Variants in C1orf21 observed in about 807,000 individuals in gnomAD.
C1orf21 encodes the protein uncharacterized protein C1orf21.
A neutral mutation model predicts 18.7 loss-of-function variants in C1orf21; 3 were observed. The ratio of observed to expected loss-of-function variants is 0.16; its 90% CI spans 0.07 to 0.42. The LOEUF (loss-of-function observed/expected upper bound fraction) is 0.42, where lower values mean the gene tolerates loss of function less well. C1orf21 is among the 10% of genes least tolerant of loss of function. The pLI is 0.99. For synonymous variants in C1orf21, 41 were observed against 46.4 expected, an observed-to-expected ratio of 0.88 and a Z score of 0.47; for missense variants, 104 against 143.6, an observed-to-expected ratio of 0.72 and a Z score of 1.41.
chr1:184,581,064 G>A (rs914379334), intron 3 of C1orf21, among the ~76,000 whole-genome samples: 3 of 152,104 alleles, frequency 2.0e-5, no homozygotes, highest in East Asian at 3.9e-4. Flanking sequence ...AACCCAAGTC[G>A]CTGGGTGATT....
intron 2 of C1orf21, among the ~76,000 whole-genome samples, chr1:184,486,716 T>G (rs1657737705): frequency 6.6e-6 from 1 of 152,114 alleles, no homozygotes; most frequent in African/African-American, 2.4e-5. Context: ...AAAATCCAAG[T>G]GCTACTTTTC....
intron 3 of C1orf21, among the ~76,000 whole-genome samples, chr1:184,560,519 A>G (rs1457382201): frequency 6.6e-6 from 1 of 152,222 alleles, no homozygotes; most frequent in African/African-American, 2.4e-5. Context: ...GAAAATTCAA[A>G]CTTTTCATTT....
At chr1:184,464,837 AG>A (rs1441729551) in intron 1 of C1orf21, among the ~76,000 whole-genome samples, 4 of 152,226 alleles carry the variant, frequency 2.6e-5, no homozygotes, top group Non-Finnish European at 5.9e-5. Flanking sequence ...TTGGAGCAGT[AG>A]GAAGAGGCAA....
chr1:184,624,869 A>G lies in C1orf21; in HGVS notation c.*5313A>G, dbSNP rs1406959025. ...AAAGATGACTCATGTCTCCATAGCA[A>G]CTGTTAAAGGTGCTGCCTAGACGGG... On this transcript the variant is annotated 3_prime_UTR_variant, in exon 6 of 6. Transcript: ENST00000235307. The G allele has an allele frequency of 6.6e-6, 1 of 152,180 alleles. No homozygotes were observed. The highest frequency in any genetic ancestry group is 1.5e-5 in the Non-Finnish European group (1 of 68,034). 9.4% of individuals were successfully genotyped at this position (152,180 alleles called of 1,614,324 possible).
At chr1:184,605,748 T>G (rs1659638720) in intron 5 of C1orf21, among the ~76,000 whole-genome samples, 1 of 152,194 alleles carries the variant, frequency 6.6e-6, no homozygotes, top group Admixed American at 6.5e-5. Context: ...CAATAAAATT[T>G]GAGAAATAAT....
chr1:184,455,145 C>T (rs1211299823), intron 1 of C1orf21, among the ~76,000 whole-genome samples: 1 of 152,174 alleles, frequency 6.6e-6, no homozygotes, highest in African/African-American at 2.4e-5. Context: ...TAAGCATACT[C>T]AGGCCCATGT....
At chr1:184,578,920 G>T (rs1362762890) in intron 3 of C1orf21, among the ~76,000 whole-genome samples, 1 of 146,318 alleles carries the variant, frequency 6.8e-6, no homozygotes, top group Non-Finnish European at 1.5e-5. Flanking sequence ...AGACAGCTTT[G>T]TAAGCAATGA....
chr1:184,493,570 A>T (rs1217462983), intron 2 of C1orf21, among the ~76,000 whole-genome samples: 1 of 152,252 alleles, frequency 6.6e-6, no homozygotes, highest in Non-Finnish European at 1.5e-5. Context: ...ATAGATATGC[A>T]TGCCTCACTG....
At position 184,619,981 on chromosome 1, in the gene C1orf21, C is replaced by T. The variant is rs1211867229; in HGVS notation, c.*425C>T. ...CTAAGACAAGCATCTCCTGCCCTCT[C>T]TCCTTCCTCCCCATCTCTCGCACGC... On this transcript the variant is annotated 3_prime_UTR_variant, in exon 6 of 6. Transcript: ENST00000235307. The T allele has an allele frequency of 6.0e-6, 1 of 167,020 alleles. No individual in the cohort carries two copies. The highest frequency in any genetic ancestry group is 2.4e-5 in the African/African-American group (1 of 41,578). 10.3% of individuals were successfully genotyped at this position (167,020 alleles called of 1,614,324 possible). A position where few individuals can be genotyped will look rare whatever the true frequency, so the allele number is the denominator to read the frequency against.
chr1:184,401,749 G>T, intron 1 of C1orf21, among the ~76,000 whole-genome samples: 1 of 149,992 alleles, frequency 6.7e-6, no homozygotes, highest in African/African-American at 2.5e-5. Context: ...TACAATACAT[G>T]TGTAAATATT....
intron 1 of C1orf21, among the ~76,000 whole-genome samples, chr1:184,453,513 T>C (rs915469601): frequency 9.2e-5 from 14 of 152,220 alleles, no homozygotes; most frequent in African/African-American, 3.4e-4. Context: ...AATGTAAACA[T>C]TGATCTGCGT....
intron 3 of C1orf21, among the ~76,000 whole-genome samples, chr1:184,561,515 C>G (rs1398766461): frequency 1.3e-5 from 2 of 152,162 alleles, no homozygotes; most frequent in African/African-American, 4.8e-5. Context: ...CAGTACCTCT[C>G]AAAGTGTTTT....
chr1:184,597,668 T>A (rs948975167), intron 4 of C1orf21, among the ~76,000 whole-genome samples: 13 of 152,088 alleles, frequency 8.5e-5, no homozygotes, highest in Admixed American at 7.9e-4. Flanking sequence ...CCATTAAGAC[T>A]AAGTCCTATA....
At chr1:184,615,310 T>C (rs183526382) in intron 5 of C1orf21, among the ~76,000 whole-genome samples, 190 of 152,260 alleles carry the variant, frequency 1.2e-3, no homozygotes, top group African/African-American at 4.5e-3. Flanking sequence ...TCCTTGGGGT[T>C]TTTTGAGTCT....
intron 3 of C1orf21, among the ~76,000 whole-genome samples, chr1:184,514,176 A>T (rs190634438): frequency 3.3e-5 from 5 of 152,302 alleles, no homozygotes; most frequent in African/African-American, 4.8e-5. Flanking sequence ...CTTGTGGTGC[A>T]TGCCAATAGT....
At chr1:184,408,580 G>C (rs1292277518) in intron 1 of C1orf21, among the ~76,000 whole-genome samples, 5 of 152,092 alleles carry the variant, frequency 3.3e-5, no homozygotes, top group Admixed American at 2.0e-4. Context: ...TTTGAATCCA[G>C]ATCAACAAAG....
At chr1:184,475,504 T>G (rs1391510815) in intron 1 of C1orf21, among the ~76,000 whole-genome samples, 1 of 152,228 alleles carries the variant, frequency 6.6e-6, no homozygotes. Context: ...ACAAAAATAC[T>G]ACTTCTTTCC....
At chr1:184,588,625 T>C (rs2101998205) in intron 3 of C1orf21, among the ~76,000 whole-genome samples, 1 of 152,154 alleles carries the variant, frequency 6.6e-6, no homozygotes, top group Admixed American at 6.5e-5. Flanking sequence ...CCGTGAGAGG[T>C]ATTGTAGGCA....
intron 5 of C1orf21, among the ~76,000 whole-genome samples, chr1:184,617,854 C>T (rs1201134358): frequency 6.6e-6 from 1 of 151,696 alleles, no homozygotes; most frequent in Non-Finnish European, 1.5e-5. Context: ...AGCAGCCCCA[C>T]CTGCTTCCAC....
Sources: gnomAD v4.1 joint callset for allele counts (sites outside exome capture counted in the v4.1 genomes callset) on GRCh38, gnomAD v4.1.1 for gene constraint, MANE v1.5 for transcripts, NCBI Gene and HGNC (gene_info 2026-07-23, HGNC 2026-07-21) for gene names.